GALNT2: variants seen among roughly 807,000 people sequenced by gnomAD.
GALNT2 encodes polypeptide N-acetylgalactosaminyltransferase 2, also known as UDP-GalNAc:polypeptide N-acetylgalactosaminyltransferase 2.
In GALNT2, 31 loss-of-function variants were observed where a neutral mutation model predicts 81.4. That is an observed-to-expected ratio of 0.38 (90% CI 0.29 to 0.51). The LOEUF (loss-of-function observed/expected upper bound fraction) is 0.51. Among genes scored for constraint, GALNT2 ranks in the 20% least tolerant of loss-of-function variants. GALNT2 has a pLI of 0.87. For synonymous variants in GALNT2, 303 were observed against 287.4 expected, an observed-to-expected ratio of 1.05 and a Z score of -0.55; for missense variants, 629 against 765.7, an observed-to-expected ratio of 0.82 and a Z score of 2.11.
In GALNT2 at chr1:230,275,813, A is replaced by G. The variant is rs898871871; in HGVS notation, c.1560+1249A>G. Among the ~76,000 whole-genome samples the G allele has an allele frequency of 6.6e-6, 1 of 150,644 alleles. No homozygotes were observed. Among genetic ancestry groups the G allele is most frequent in the Admixed American group, 6.6e-5 (1 of 15,062 alleles). Reference sequence around the variant, plus strand: ...TATATACATGCCACATATATATACAAATATACATGCCACATATATACATGT... The same window carrying G: ...TATATACATGCCACATATATATACAGATATACATGCCACATATATACATGT... On this transcript the variant is annotated intron_variant, in intron 15 of 15. Coordinates refer to ENST00000366672, the MANE Select transcript of GALNT2 (RefSeq NM_004481.5). The surrounding 1 kb of genome is among the most constrained non-coding windows in gnomAD (Gnocchi z 5.5).
At chr1:230,223,512 A>G (rs1372218584) in intron 3 of GALNT2, among the ~76,000 whole-genome samples, 1 of 151,932 alleles carries the variant, frequency 6.6e-6, no homozygotes, top group Admixed American at 6.6e-5. Context: ...TCTGTCACCC[A>G]GGCTGGAGTA....
intron 11 of GALNT2, among the ~76,000 whole-genome samples, chr1:230,258,455 C>T (rs936252237): frequency 2.6e-5 from 4 of 151,604 alleles, no homozygotes; most frequent in African/African-American, 7.3e-5. Flanking sequence ...GAACTCCTGA[C>T]CTCAAGTGAT....
At chr1:230,203,622 T>C (rs1663974740) in intron 3 of GALNT2, among the ~76,000 whole-genome samples, 1 of 152,234 alleles carries the variant, frequency 6.6e-6, no homozygotes, top group African/African-American at 2.4e-5. Flanking sequence ...TTCACAAAAA[T>C]GCAAAATTTG....
intron 3 of GALNT2, among the ~76,000 whole-genome samples, chr1:230,219,222 A>G (rs1250215615): frequency 6.6e-6 from 1 of 152,194 alleles, no homozygotes; most frequent in South Asian, 2.1e-4. Context: ...CTTTAAACCA[A>G]ATCTTTTTTA....
intron 1 of GALNT2, among the ~76,000 whole-genome samples, chr1:230,164,894 G>A (rs981640543): frequency 2.0e-5 from 3 of 152,016 alleles, no homozygotes; most frequent in East Asian, 3.9e-4. Context: ...GTAGTGCCTG[G>A]ACCCCAAACC....
At chr1:230,260,956 A>G (rs1406584540) in intron 11 of GALNT2, among the ~76,000 whole-genome samples, 2 of 152,198 alleles carry the variant, frequency 1.3e-5, no homozygotes, top group African/African-American at 4.8e-5. Context: ...AATTCTGCAA[A>G]CTATTTTATT....
chr1:230,076,632 C>T (rs906479436), intron 1 of GALNT2, among the ~76,000 whole-genome samples: 3 of 152,032 alleles, frequency 2.0e-5, no homozygotes, highest in East Asian at 3.9e-4. Context: ...CTCAGGGAGG[C>T]GGAACTGTGG....
rs1665247105 is a variant in GALNT2 at position 230,243,047 on chromosome 1, G to A, written c.608-259G>A. 6.6e-6 allele frequency among the ~76,000 whole-genome samples: 1 copy of A among 152,234 alleles called. No individual in the cohort carries two copies. Among genetic ancestry groups the A allele is most frequent in the Admixed American group, 6.5e-5 (1 of 15,288 alleles). On this transcript the variant is annotated intron_variant, in intron 6 of 15. Transcript: ENST00000366672. This position sits in a 1 kb window ranked among gnomAD's most constrained non-coding sequence, Gnocchi z 4.2. ...AGTTGATAAAGGAGACTTCAGTAATGTAAAGGGCCTTTCTCAGAAGACGGT... is the reference window on the plus strand; with the variant it reads ...AGTTGATAAAGGAGACTTCAGTAATATAAAGGGCCTTTCTCAGAAGACGGT...
intron 11 of GALNT2, among the ~76,000 whole-genome samples, chr1:230,255,800 G>A (rs1254581844): frequency 6.6e-6 from 1 of 152,088 alleles, no homozygotes; most frequent in African/African-American, 2.4e-5. Context: ...AAATGTTATG[G>A]GAAAATTTTT....
chr1:230,065,965 T>A (rs1164568954), upstream of GALNT2, among the ~76,000 whole-genome samples: 1 of 152,262 alleles, frequency 6.6e-6, no homozygotes, highest in South Asian at 2.1e-4. Context: ...TTCTTGGTGT[T>A]GGACTTTCTA....
At chr1:230,228,356 G>A (rs374049363) in intron 3 of GALNT2, among the ~76,000 whole-genome samples, 14 of 151,648 alleles carry the variant, frequency 9.2e-5, no homozygotes, top group African/African-American at 1.7e-4. Context: ...GAAGATCTTC[G>A]CCTAGTAGGG....
In GALNT2 at chr1:230,236,670, G is replaced by A; in HGVS notation, c.552G>A (p.Gly184=). ...CTTTTCTTTTCCTAGCTGAGGACGG[G>A]GCTCTCTTGGGGAAAATTGAGAAAG... The part of the protein sequence containing the change: ...VDDYSNDPED[G]ALLGKIEKVR... The change falls in exon 6 of 16, where the codon GGG becomes GGA. Residue 184 remains glycine (G), a synonymous_variant. Coordinates refer to ENST00000366672, the MANE Select transcript of GALNT2 (RefSeq NM_004481.5). The A allele has an allele frequency of 2.5e-6, 4 of 1,613,106 alleles. No homozygotes were observed. Among genetic ancestry groups the A allele is most frequent in the East Asian group, 2.2e-5 (1 of 44,884 alleles).
chr1:230,212,013 G>A (rs927023895), intron 3 of GALNT2, among the ~76,000 whole-genome samples: 4 of 152,126 alleles, frequency 2.6e-5, no homozygotes, highest in Admixed American at 1.3e-4. Context: ...GGAGAGGCAG[G>A]CAGCTAGGAT....
At chr1:230,277,004 C>T (rs1431885943) in intron 15 of GALNT2, among the ~76,000 whole-genome samples, 1 of 152,196 alleles carries the variant, frequency 6.6e-6, no homozygotes, top group African/African-American at 2.4e-5. Flanking sequence ...TTTTAAAAAA[C>T]AAATATTACT....
At chr1:230,108,606 A>C (rs1414124889) in intron 1 of GALNT2, among the ~76,000 whole-genome samples, 3 of 152,238 alleles carry the variant, frequency 2.0e-5, no homozygotes, top group Non-Finnish European at 4.4e-5. Flanking sequence ...GTAAGTTGGA[A>C]ACATCTGAAG....
At chr1:230,143,033 G>A (rs1235066358) in intron 1 of GALNT2, among the ~76,000 whole-genome samples, 1 of 152,136 alleles carries the variant, frequency 6.6e-6, no homozygotes, top group Non-Finnish European at 1.5e-5. Context: ...TGTTTTTAGG[G>A]GAGTGGGCTG....
intron 3 of GALNT2, among the ~76,000 whole-genome samples, chr1:230,215,284 A>G (rs963773579): frequency 4.6e-5 from 7 of 152,166 alleles, no homozygotes; most frequent in Admixed American, 1.3e-4. Context: ...CTCTGCACCT[A>G]CAAGACCATC....
chr1:230,265,915 G>A (rs1666024833), intron 14 of GALNT2, among the ~76,000 whole-genome samples: 1 of 152,224 alleles, frequency 6.6e-6, no homozygotes, highest in African/African-American at 2.4e-5. Context: ...ACAACCGCCA[G>A]GCGCCGTGGC....
At chr1:230,078,986 A>G (rs1659647793) in intron 1 of GALNT2, among the ~76,000 whole-genome samples, 1 of 152,056 alleles carries the variant, frequency 6.6e-6, no homozygotes, top group African/African-American at 2.4e-5. Flanking sequence ...ATGTTTTATT[A>G]TCTTGACTAC....
Sources: allele counts gnomAD v4.1 joint callset (sites outside exome capture counted in the v4.1 genomes callset), GRCh38; gene constraint gnomAD v4.1.1; non-coding constraint Gnocchi (gnomAD v3.1); transcripts MANE v1.5; gene names NCBI Gene and HGNC (gene_info 2026-07-23, HGNC 2026-07-21).